The following DUSP16 variants were observed in gnomAD, a reference collection of about 807,000 sequenced individuals.
The protein encoded by DUSP16 is dual specificity phosphatase 16.
Under a neutral mutation model 58.3 loss-of-function variants are expected in DUSP16, and 21 were observed. That is an observed-to-expected ratio of 0.36 (90% CI 0.26 to 0.52). The LOEUF (loss-of-function observed/expected upper bound fraction) is 0.52. Among genes scored for constraint, DUSP16 ranks in the 20% least tolerant of loss-of-function variants. The pLI, the probability that DUSP16 is intolerant of heterozygous loss-of-function variation, is 0.94. For synonymous variants in DUSP16, 320 were observed against 323.8 expected, an observed-to-expected ratio of 0.99 and a Z score of 0.12; for missense variants, 726 against 819.0, an observed-to-expected ratio of 0.89 and a Z score of 1.39.
intron 5 of DUSP16, among the ~76,000 whole-genome samples, chr12:12,482,593 G>A (rs1943593268): frequency 6.6e-6 from 1 of 152,184 alleles, no homozygotes; most frequent in Non-Finnish European, 1.5e-5. Context: ...GCCCTGCAGT[G>A]GGACTGAGCA....
intron 3 of DUSP16, among the ~76,000 whole-genome samples, chr12:12,519,083 T>C (rs1190022306): frequency 6.6e-6 from 1 of 152,242 alleles, no homozygotes; most frequent in African/African-American, 2.4e-5. Context: ...GTTGTCAAAC[T>C]ATATTCCCAG....
intron 1 of DUSP16, among the ~76,000 whole-genome samples, chr12:12,555,496 G>A (rs952450855): frequency 6.6e-6 from 1 of 152,168 alleles, no homozygotes; most frequent in Non-Finnish European, 1.5e-5. Flanking sequence ...AACGCACACT[G>A]TAAGTAGCAT....
At chr12:12,516,770 T>C (rs1387513429) in intron 3 of DUSP16, among the ~76,000 whole-genome samples, 1 of 152,260 alleles carries the variant, frequency 6.6e-6, no homozygotes, top group African/African-American at 2.4e-5. Context: ...GCTTATATTC[T>C]AGACTGATAA....
At position 12,487,175 on chromosome 12, in the gene DUSP16, G is replaced by A; in HGVS notation, c.544C>T (p.Gln182Ter). 6.2e-7 allele frequency: 1 copy of A among 1,613,978 alleles called. No homozygotes were observed. The highest frequency in any genetic ancestry group is 8.5e-7 in the Non-Finnish European group (1 of 1,179,910). The change falls in exon 5 of 7, where the codon CAG becomes TAG. Residue 182 changes from glutamine to a stop codon, truncating the protein, a stop_gained. Coordinates refer to ENST00000298573, the MANE Select transcript of DUSP16 (RefSeq NM_030640.3). LOFTEE classifies it high-confidence loss of function. ...TTTAACACATAACCAATCCCATTCT[G>A]CTGCATCAGCTCCTATGGAGAGAAA... ...RDVLNKELMQ[Q>*]NGIGYVLNAS...
At chr12:12,526,586 A>T (rs960774534) in intron 1 of DUSP16, among the ~76,000 whole-genome samples, 1 of 152,166 alleles carries the variant, frequency 6.6e-6, no homozygotes, top group African/African-American at 2.4e-5. Flanking sequence ...TTAAAAGGAA[A>T]ATGTTTTGTT....
At position 12,562,455 on chromosome 12, in the gene DUSP16, G is replaced by A. The variant is rs546282541; in HGVS notation, c.-704C>T. 2.7e-5 allele frequency: 4 copies of A among 150,448 alleles called. No individual in the cohort carries two copies. The highest frequency in any genetic ancestry group is 5.9e-5 in the Non-Finnish European group (4 of 67,708). The allele number at this position is 150,448 out of a possible 1,614,324, so 9.3% of individuals were successfully genotyped here. ...GAACTTAGGGAGGTAAAGGTGGGGG[G>A]CCGCGTTGTGAAAGTGGGGGTTGGG... On this transcript the variant is annotated 5_prime_UTR_variant, in exon 1 of 7. Coordinates refer to ENST00000298573, the MANE Select transcript of DUSP16 (RefSeq NM_030640.3).
At chr12:12,492,976 A>C (rs1943782109) in intron 4 of DUSP16, among the ~76,000 whole-genome samples, 1 of 152,076 alleles carries the variant, frequency 6.6e-6, no homozygotes, top group Non-Finnish European at 1.5e-5. Flanking sequence ...CCAGACTTTC[A>C]GGGTGGGAGT....
chr12:12,482,915 G>A (rs1394189651), intron 5 of DUSP16, among the ~76,000 whole-genome samples: 1 of 152,134 alleles, frequency 6.6e-6, no homozygotes, highest in Non-Finnish European at 1.5e-5. Flanking sequence ...ATCTTGCTAT[G>A]TTGACTAGGC....
chr12:12,511,450 G>T (rs1650615468), intron 3 of DUSP16, among the ~76,000 whole-genome samples: 1 of 151,926 alleles, frequency 6.6e-6, no homozygotes, highest in African/African-American at 2.4e-5. Context: ...AATCCACTCT[G>T]GTCTGCTCAC....
At chr12:12,549,902 A>C (rs1944701109) in intron 1 of DUSP16, among the ~76,000 whole-genome samples, 1 of 152,132 alleles carries the variant, frequency 6.6e-6, no homozygotes, top group African/African-American at 2.4e-5. Flanking sequence ...CACCCATAAT[A>C]GTATCTGGCC....
chr12:12,492,319 G>GA (rs34038871), intron 4 of DUSP16, among the ~76,000 whole-genome samples: 44,999 of 151,748 alleles, frequency 0.3, 7,313 homozygotes, highest in Non-Finnish European at 0.35. Context: ...TACTACAATG[G>GA]AAAAACTGAA....
At chr12:12,515,871 G>T (rs1239632078) in intron 3 of DUSP16, among the ~76,000 whole-genome samples, 7 of 151,146 alleles carry the variant, frequency 4.6e-5, no homozygotes, top group Admixed American at 3.3e-4. Flanking sequence ...TGCCTCCCGG[G>T]TTCAAGCAAT....
chr12:12,520,092 G>A (rs1281129602), intron 2 of DUSP16, 92 bp from the exon 3 acceptor site: 45 of 1,217,016 alleles, frequency 3.7e-5, no homozygotes, highest in Non-Finnish European at 4.5e-5. Flanking sequence ...GTGCTGGGGC[G>A]AATAATTGCT....
chr12:12,490,359 G>A (rs977583390), intron 4 of DUSP16, among the ~76,000 whole-genome samples: 4 of 152,074 alleles, frequency 2.6e-5, no homozygotes, highest in African/African-American at 9.6e-5. Context: ...GGAATAGTAA[G>A]ATGGGACTTG....
At chr12:12,502,509 C>T (rs7972902) in intron 3 of DUSP16, among the ~76,000 whole-genome samples, 81,177 of 151,548 alleles carry the variant, frequency 0.54, 22,089 homozygotes, top group East Asian at 0.71. Context: ...CTTTGTGTCA[C>T]AGGCCCTCAG....
intron 1 of DUSP16, among the ~76,000 whole-genome samples, chr12:12,534,893 G>A (rs998837454): frequency 2.0e-5 from 3 of 152,158 alleles, no homozygotes; most frequent in African/African-American, 7.2e-5. Flanking sequence ...ACTAAGTAAA[G>A]ATCATCAATT....
intron 1 of DUSP16, chr12:12,560,800 G>C (rs540137859): frequency 7.2e-5 from 11 of 152,270 alleles, no homozygotes; most frequent in African/African-American, 2.6e-4. Flanking sequence ...TGATGGAGGT[G>C]AAACAGCATA....
chr12:12,554,920 G>A (rs917643683), intron 1 of DUSP16, among the ~76,000 whole-genome samples: 3 of 152,124 alleles, frequency 2.0e-5, no homozygotes, highest in African/African-American at 7.2e-5. Flanking sequence ...CGAAGGAAGA[G>A]GAAATAATAC....
chr12:12,509,470 C>A (rs1944044681), intron 3 of DUSP16, among the ~76,000 whole-genome samples: 2 of 151,474 alleles, frequency 1.3e-5, no homozygotes, highest in South Asian at 4.2e-4. Context: ...TTCCCTAATT[C>A]TGTTGCGTTT....
Sources: gnomAD v4.1 joint callset for allele counts (sites outside exome capture counted in the v4.1 genomes callset) on GRCh38, gnomAD v4.1.1 for gene constraint, MANE v1.5 for transcripts, NCBI Gene and HGNC (gene_info 2026-07-23, HGNC 2026-07-21) for gene names.